Variants in NMNAT3 observed in about 807,000 individuals in gnomAD.
NMNAT3 encodes nicotinamide/nicotinic acid mononucleotide adenylyltransferase 3.
A neutral mutation model predicts 24.8 loss-of-function variants in NMNAT3; 21 were observed. The ratio of observed to expected loss-of-function variants is 0.85; its 90% CI spans 0.60 to 1.22. The LOEUF (loss-of-function observed/expected upper bound fraction) is 1.22. Ranked by LOEUF, NMNAT3 falls within the 50% of genes most tolerant of loss-of-function variation. The probability of loss-of-function intolerance (pLI) is 0.00; values close to 1 mark genes in which losing one functional copy is unlikely to be tolerated. For synonymous variants in NMNAT3, 136 were observed against 155.2 expected, an observed-to-expected ratio of 0.88 and a Z score of 0.92; for missense variants, 387 against 436.6, an observed-to-expected ratio of 0.89 and a Z score of 1.01.
At chr3:139,622,384 T>G (rs1448624823) in intron 3 of NMNAT3, among the ~76,000 whole-genome samples, 1 of 151,074 alleles carries the variant, frequency 6.6e-6, no homozygotes, top group African/African-American at 2.4e-5. Context: ...ATATTTTTTT[T>G]GGGAAGTGTT....
At chr3:139,609,519 G>A (rs925003038) in intron 3 of NMNAT3, 7 of 151,990 alleles carry the variant, frequency 4.6e-5, no homozygotes, top group Non-Finnish European at 1.0e-4. Context: ...GTGCTTATCC[G>A]CTATCTGTGT....
At chr3:139,563,930 C>T (rs1424217945) in intron 6 of NMNAT3, among the ~76,000 whole-genome samples, 1 of 152,134 alleles carries the variant, frequency 6.6e-6, no homozygotes. Context: ...GTGTGCTCTA[C>T]CTTTGAGTAG....
In NMNAT3 at chr3:139,658,502, C is replaced by T. The variant is rs76312863; in HGVS notation, c.-141+19203G>A. 4.2e-4 allele frequency among the ~76,000 whole-genome samples: 64 copies of T among 152,340 alleles called. No homozygotes were observed. In the East Asian group the frequency reaches 0.011, roughly 27 times the overall value. On this transcript the variant is annotated intron_variant, in intron 1 of 6. Transcript: ENST00000643695. ...AGTACTTGTTTGTTTTGAATGTATG[C>T]AATTTCTTCCCAAACTTTATTGTGA...
At chr3:139,613,065 T>C (rs1298069420) in intron 3 of NMNAT3, among the ~76,000 whole-genome samples, 2 of 152,174 alleles carry the variant, frequency 1.3e-5, no homozygotes, top group Admixed American at 1.3e-4. Context: ...ATACAGGACA[T>C]AGGCATGGGC....
At chr3:139,635,686 A>C (rs867528659) in intron 2 of NMNAT3, 2 of 152,262 alleles carry the variant, frequency 1.3e-5, no homozygotes, top group African/African-American at 2.4e-5. Flanking sequence ...CAAGAAGGTT[A>C]TAATCTAGCA....
intron 1 of NMNAT3, among the ~76,000 whole-genome samples, chr3:139,673,053 C>T (rs1360246197): frequency 6.6e-6 from 1 of 152,130 alleles, no homozygotes; most frequent in African/African-American, 2.4e-5. Flanking sequence ...GCCCTTCTTT[C>T]CTCTCAGACA....
In NMNAT3 at chr3:139,591,162, G is replaced by A. The variant is rs545757970; in HGVS notation, c.110-7954C>T. Among the ~76,000 whole-genome samples the A allele has an allele frequency of 1.6e-4, 24 of 151,378 alleles. 1 individual carries two copies. In the South Asian group the frequency reaches 4.8e-3, roughly 30 times the overall value. Reference sequence around the variant, plus strand: ...CGAGGCATTGCCTCACCTGGGAAGCGCAAGGGGTCAGGGAGTTCCCTTTCC... The same window carrying A: ...CGAGGCATTGCCTCACCTGGGAAGCACAAGGGGTCAGGGAGTTCCCTTTCC... On this transcript the variant is annotated intron_variant, in intron 3 of 6. Coordinates refer to ENST00000643695, the MANE Select transcript of NMNAT3 (RefSeq NM_001320510.2).
chr3:139,624,135 TA>T (rs1157586344), intron 3 of NMNAT3, among the ~76,000 whole-genome samples: 2 of 152,250 alleles, frequency 1.3e-5, no homozygotes, highest in Non-Finnish European at 2.9e-5. Context: ...ATTTGTTTAT[TA>T]AAGTGGAAGT....
chr3:139,623,478 G>C (rs578030926), intron 3 of NMNAT3, among the ~76,000 whole-genome samples: 1 of 152,066 alleles, frequency 6.6e-6, no homozygotes, highest in African/African-American at 2.4e-5. Flanking sequence ...TCTAAAATAA[G>C]GATAAAAGTA....
In NMNAT3 at chr3:139,573,664, G is replaced by A. The variant is rs766857970; in HGVS notation, c.592C>T (p.Leu198=). The change falls in exon 6 of 7, where the codon CTG becomes TTG. Residue 198 remains leucine, a synonymous_variant. Transcript: ENST00000643695. Reference sequence around the variant, plus strand: ...TCCATCTGGGGTGGAGATCTGAGCAGTTTGCTGTGATGATGCCTGTGTTGT... The same window carrying A: ...TCCATCTGGGGTGGAGATCTGAGCAATTTGCTGTGATGATGCCTGTGTTGT... 88 of 1,601,956 alleles carry A rather than the reference G, an allele frequency of 5.5e-5. No homozygotes were observed. The highest frequency in any genetic ancestry group is 2.4e-4 in the Admixed American group (14 of 57,788).
chr3:139,596,277 C>A (rs888778277), intron 3 of NMNAT3, among the ~76,000 whole-genome samples: 1 of 152,130 alleles, frequency 6.6e-6, no homozygotes, highest in African/African-American at 2.4e-5. Context: ...TAATTTTTTT[C>A]TCTACCCCTG....
At chr3:139,628,049 T>C (rs750857672) in intron 2 of NMNAT3, among the ~76,000 whole-genome samples, 3 of 152,210 alleles carry the variant, frequency 2.0e-5, no homozygotes, top group Non-Finnish European at 4.4e-5. Flanking sequence ...CAAGGCAGCC[T>C]GATCCCAGAA....
At chr3:139,633,311 A>G (rs2056374751) in intron 2 of NMNAT3, among the ~76,000 whole-genome samples, 1 of 151,912 alleles carries the variant, frequency 6.6e-6, no homozygotes, top group Non-Finnish European at 1.5e-5. Context: ...CTCCTGAGTA[A>G]CTGGGATTAC....
Position 139,627,728 on chromosome 3 carries a change from G to A in NMNAT3, c.-4C>T. 6.3e-7 allele frequency: 1 copy of A among 1,582,260 alleles called. No homozygotes were observed. The highest frequency in any genetic ancestry group is 8.5e-7 in the Non-Finnish European group (1 of 1,169,894). On this transcript the variant is annotated 5_prime_UTR_variant, in exon 3 of 7. Transcript: ENST00000643695. ...CCACAGGTATTCGGCTCTTCATCTTGTCAGGCACATCCACACCTGTTGCAG... is the reference window on the plus strand; with the variant it reads ...CCACAGGTATTCGGCTCTTCATCTTATCAGGCACATCCACACCTGTTGCAG...
At chr3:139,566,502 C>G (rs967679412) in intron 6 of NMNAT3, 1 of 152,036 alleles carries the variant, frequency 6.6e-6, no homozygotes, top group African/African-American at 2.4e-5. Context: ...TTAGGTCTAA[C>G]ATTTAAGTCT....
chr3:139,599,304 A>G, intron 3 of NMNAT3: 1 of 702,368 alleles, frequency 1.4e-6, no homozygotes, highest in Non-Finnish European at 2.6e-6. Context: ...TCCCTTTTGC[A>G]GACTTCAGTT....
chr3:139,653,926 G>A (rs1305619786), intron 1 of NMNAT3, among the ~76,000 whole-genome samples: 20 of 152,174 alleles, frequency 1.3e-4, no homozygotes, highest in Admixed American at 9.2e-4. Flanking sequence ...CAGCAGGTTG[G>A]AGACAAGCTA....
chr3:139,624,552 G>T (rs973373415), intron 3 of NMNAT3, among the ~76,000 whole-genome samples: 1 of 151,690 alleles, frequency 6.6e-6, no homozygotes, highest in African/African-American at 2.4e-5. Flanking sequence ...GATTCAAGCC[G>T]ATTATCCTGC....
chr3:139,669,584 T>C (rs2057695553), intron 1 of NMNAT3, among the ~76,000 whole-genome samples: 1 of 150,826 alleles, frequency 6.6e-6, no homozygotes, highest in African/African-American at 2.4e-5. Flanking sequence ...TGTGAATAGA[T>C]ACTTTGATGA....
Sources: allele counts gnomAD v4.1 joint callset (sites outside exome capture counted in the v4.1 genomes callset), GRCh38; gene constraint gnomAD v4.1.1; transcripts MANE v1.5; gene names NCBI Gene and HGNC (gene_info 2026-07-23, HGNC 2026-07-21).